AMOTL1: variants seen among roughly 807,000 people sequenced by gnomAD.
The protein encoded by AMOTL1 is angiomotin like 1.
Under a neutral mutation model 102.9 loss-of-function variants are expected in AMOTL1, and 45 were observed. The observed-to-expected ratio is 0.44, with a 90% CI of 0.34 to 0.56. AMOTL1 has a LOEUF of 0.56. Among genes scored for constraint, AMOTL1 ranks in the 20% least tolerant of loss-of-function variants. The pLI is 0.01. For synonymous variants in AMOTL1, 481 were observed against 484.7 expected (o/e 0.99, Z 0.10); for missense variants, 1,114 against 1,225.6 (o/e 0.91, Z 1.36).
intron 4 of AMOTL1, among the ~76,000 whole-genome samples, chr11:94,822,740 C>T (rs1197695530): frequency 2.6e-5 from 4 of 152,142 alleles, no homozygotes; most frequent in Admixed American, 6.5e-5. Flanking sequence ...AATAGGGGAA[C>T]GTCCAGCAAG....
chr11:94,807,721 A>G (rs1951590796), intron 3 of AMOTL1, among the ~76,000 whole-genome samples: 1 of 152,130 alleles, frequency 6.6e-6, no homozygotes, highest in South Asian at 2.1e-4. Context: ...ATGGATGGCT[A>G]CAAGTTATGG....
chr11:94,712,411 G>T (rs1055351031), intron 1 of AMOTL1, among the ~76,000 whole-genome samples: 1 of 151,928 alleles, frequency 6.6e-6, no homozygotes, highest in Non-Finnish European at 1.5e-5. Flanking sequence ...AGAAAACCTA[G>T]AAAATCAGTC....
intron 6 of AMOTL1, among the ~76,000 whole-genome samples, chr11:94,833,704 G>T (rs1264265836): frequency 6.6e-6 from 1 of 152,216 alleles, no homozygotes; most frequent in Non-Finnish European, 1.5e-5. Flanking sequence ...TGTCCTAGAG[G>T]CAAGGAGACT....
chr11:94,799,787 G>A lies in AMOTL1; in HGVS notation c.597G>A (p.Gln199=), dbSNP rs747533433. ...ACGAGGAGGCCAAAGCACAGTCGCA[G>A]TTCTTCAGGGGGCAGCAGCAGCAGC... ...PTYEEAKAQS[Q]FFRGQQQQQQ... The change falls in exon 3 of 13, where the codon CAG becomes CAA. Residue 199 remains glutamine (Q), a synonymous_variant. Transcript: ENST00000433060. This position sits in a 1 kb window ranked among gnomAD's most constrained non-coding sequence, Gnocchi z 4.5. The A allele has an allele frequency of 2.5e-6, 4 of 1,603,654 alleles. No individual in the cohort carries two copies. Among genetic ancestry groups the A allele is most frequent in the Non-Finnish European group, 3.4e-6 (4 of 1,174,168 alleles).
intron 11 of AMOTL1, chr11:94,866,433 C>T (rs1368087206): frequency 2.1e-6 from 1 of 472,714 alleles, no homozygotes; most frequent in Non-Finnish European, 3.9e-6. Flanking sequence ...TGAGGTGACC[C>T]TTATAACACA....
chr11:94,768,627 C>T (rs1950892470), intron 1 of AMOTL1, 67 bp downstream of exon 1: 2 of 1,548,674 alleles, frequency 1.3e-6, no homozygotes, highest in Non-Finnish European at 1.7e-6. Flanking sequence ...AACCCAGTCG[C>T]CCCGGGCTCC....
chr11:94,874,748 G>A lies in AMOTL1; in HGVS notation c.*3953G>A, dbSNP rs1458688304. 3 of 152,206 alleles carry A rather than the reference G, an allele frequency of 2.0e-5. No individual in the cohort carries two copies. Among genetic ancestry groups the A allele is most frequent in the Admixed American group, 2.0e-4 (3 of 15,282 alleles). 9.4% of individuals were successfully genotyped at this position (152,206 alleles called of 1,614,324 possible). ...TTGACCTGAGTCCCAGAGACTTAGG[G>A]ACACAGACTTCAGGTGAGGCTGCGG... On this transcript the variant is annotated 3_prime_UTR_variant, in exon 13 of 13. Coordinates refer to ENST00000433060, the MANE Select transcript of AMOTL1 (RefSeq NM_130847.3).
Position 94,875,672 on chromosome 11 carries a change from A to T in AMOTL1, c.*4877A>T, listed in dbSNP as rs1249786586. On this transcript the variant is annotated 3_prime_UTR_variant, in exon 13 of 13. Coordinates refer to ENST00000433060, the MANE Select transcript of AMOTL1 (RefSeq NM_130847.3). ...TTCTGGAAATAATCTCAAGTGCTTGATAGCACAGTTGGATGAAAAAAGATG... is the reference window on the plus strand; with the variant it reads ...TTCTGGAAATAATCTCAAGTGCTTGTTAGCACAGTTGGATGAAAAAAGATG... The T allele has an allele frequency of 6.6e-6, 1 of 152,242 alleles. No individual in the cohort carries two copies. The highest frequency in any genetic ancestry group is 1.5e-5 in the Non-Finnish European group (1 of 68,038). The allele number at this position is 152,242 out of a possible 1,614,324, so 9.4% of individuals were successfully genotyped here.
At chr11:94,792,068 A>C (rs1166582165) in intron 1 of AMOTL1, among the ~76,000 whole-genome samples, 1 of 152,196 alleles carries the variant, frequency 6.6e-6, no homozygotes, top group African/African-American at 2.4e-5. Flanking sequence ...AGTGACTCCT[A>C]GTAGAAGTCC....
In AMOTL1 at chr11:94,799,513, G is replaced by T. The variant is rs755050006; in HGVS notation, c.323G>T (p.Arg108Leu). ...VLQRLIQEQLRYGTPTENMNL... is the reference protein window; with the variant it reads ...VLQRLIQEQLLYGTPTENMNL... ...CAGCGGCTGATCCAGGAACAACTGC[G>T]GTATGGCACCCCAACCGAGAACATG... Residue 108 changes from arginine to leucine, a missense_variant, in exon 3 of 13, where the codon CGG (arginine) becomes CTG (leucine). Coordinates refer to ENST00000433060, the MANE Select transcript of AMOTL1 (RefSeq NM_130847.3). The surrounding 1 kb of genome is among the most constrained non-coding windows in gnomAD (Gnocchi z 4.5). The T allele has an allele frequency of 1.2e-6, 2 of 1,613,144 alleles. No homozygotes were observed. Among genetic ancestry groups the T allele is most frequent in the African/African-American group, 1.3e-5 (1 of 74,850 alleles).
At chr11:94,851,806 C>G (rs1393941493) in intron 7 of AMOTL1, among the ~76,000 whole-genome samples, 2 of 152,246 alleles carry the variant, frequency 1.3e-5, no homozygotes, top group African/African-American at 4.8e-5. Flanking sequence ...GATGTAATTA[C>G]TGTTACTAAT....
At chr11:94,867,265 T>G (rs959827654) in intron 11 of AMOTL1, among the ~76,000 whole-genome samples, 2 of 152,156 alleles carry the variant, frequency 1.3e-5, no homozygotes, top group Non-Finnish European at 2.9e-5. Flanking sequence ...GGAAATGCAC[T>G]TCAAAGAAGA....
Position 94,830,146 on chromosome 11 carries a change from T to C in AMOTL1, c.1510T>C (p.Leu504=). The C allele has an allele frequency of 6.2e-7, 1 of 1,610,918 alleles. No homozygotes were observed. The highest frequency in any genetic ancestry group is 8.5e-7 in the Non-Finnish European group (1 of 1,178,588). ...ESLDKAMRNK[L]EGEIRRLHDF... The stretch of plus-strand genomic sequence containing the variant: ...GCTGGACAAGGCCATGAGAAACAAA[T>C]TGGAAGGCGAGATTAGAAGACTTCA... Residue 504 remains leucine (L), a synonymous_variant, in exon 5 of 13, where the codon TTG becomes CTG. Transcript: ENST00000433060.
At chr11:94,778,013 A>T (rs1951050147) in intron 1 of AMOTL1, among the ~76,000 whole-genome samples, 1 of 152,238 alleles carries the variant, frequency 6.6e-6, no homozygotes, top group African/African-American at 2.4e-5. Context: ...TATAAAAGGA[A>T]TGTAATGTAT....
chr11:94,796,899 C>A, intron 2 of AMOTL1: 1 of 595,926 alleles, frequency 1.7e-6, no homozygotes, highest in Non-Finnish European at 2.1e-6. Context: ...TATTAATATA[C>A]ATATATGTAT....
chr11:94,728,747 T>C (rs1294407220), intron 1 of AMOTL1, among the ~76,000 whole-genome samples: 1 of 152,186 alleles, frequency 6.6e-6, no homozygotes, highest in Non-Finnish European at 1.5e-5. Flanking sequence ...ACCTGGTTTG[T>C]GGGCTTGAGC....
At chr11:94,777,214 A>G (rs2135526068) in intron 1 of AMOTL1, among the ~76,000 whole-genome samples, 1 of 152,324 alleles carries the variant, frequency 6.6e-6, no homozygotes, top group African/African-American at 2.4e-5. Flanking sequence ...TGGCGGTGTC[A>G]GGTTTGTTTA....
At position 94,784,834 on chromosome 11, in the gene AMOTL1, T is replaced by A. The variant is rs963000390; in HGVS notation, c.50-10177T>A. Among the ~76,000 whole-genome samples the A allele has an allele frequency of 3.3e-5, 5 of 152,168 alleles. No individual in the cohort carries two copies. The South Asian group carries it at 8.3e-4, about 25-fold the overall frequency. ...AAACATCATTTCTGGTCTATACTTG[T>A]GGTGAAGCCAGTGTTGCAGGTCTGA... On this transcript the variant is annotated intron_variant, in intron 1 of 12. Coordinates refer to ENST00000433060, the MANE Select transcript of AMOTL1 (RefSeq NM_130847.3).
rs1298257822 is a variant in AMOTL1 at position 94,869,311 on chromosome 11, G to A, written c.2602G>A (p.Ala868Thr). Reference protein sequence around the residue: ...ASTTAASSAHAKTGSKDSSTQ... With the variant: ...ASTTAASSAHTKTGSKDSSTQ... ...CACTACGGCAGCCAGCAGTGCCCAC[G>A]CCAAGACAGGCAGCAAGGACAGCAG... The change falls in exon 12 of 13, where the codon GCC (alanine) becomes ACC (threonine). Residue 868 changes from alanine to threonine, a missense_variant. Transcript: ENST00000433060. 8.1e-6 allele frequency: 13 copies of A among 1,612,388 alleles called. No homozygotes were observed. The highest frequency in any genetic ancestry group is 6.7e-5 in the Admixed American group (4 of 59,824).
Sources: allele counts gnomAD v4.1 joint callset (sites outside exome capture counted in the v4.1 genomes callset), GRCh38; gene constraint gnomAD v4.1.1; non-coding constraint Gnocchi (gnomAD v3.1); transcripts MANE v1.5; gene names NCBI Gene and HGNC (gene_info 2026-07-23, HGNC 2026-07-21).